The following TMEM178B variants were observed in gnomAD, a reference collection of about 807,000 sequenced individuals.
TMEM178B encodes the protein transmembrane protein 178B.
A neutral mutation model predicts 31.0 loss-of-function variants in TMEM178B; 5 were observed. The observed-to-expected ratio is 0.16, with a 90% CI of 0.08 to 0.34. The LOEUF (loss-of-function observed/expected upper bound fraction) is 0.34, where lower values mean the gene tolerates loss of function less well. Among genes scored for constraint, TMEM178B ranks in the 10% least tolerant of loss-of-function variants. TMEM178B has a pLI of 1.00. For missense variants in TMEM178B, 275 were observed against 400.3 expected, an observed-to-expected ratio of 0.69 and a Z score of 2.67; for synonymous variants, 164 against 164.0, an observed-to-expected ratio of 1.00 and a Z score of 0.00.
downstream of TMEM178B, among the ~76,000 whole-genome samples, chr7:141,484,575 T>C (rs568827238): frequency 6.6e-6 from 1 of 152,280 alleles, no homozygotes; most frequent in East Asian, 1.9e-4. This position sits in a 1 kb window ranked among gnomAD's most constrained non-coding sequence, Gnocchi z 4.8. Context: ...TGTTTGTTTG[T>C]TTTTGAGATA....
At chr7:141,108,466 C>G (rs1243812365) in intron 1 of TMEM178B, among the ~76,000 whole-genome samples, 1 of 152,178 alleles carries the variant, frequency 6.6e-6, no homozygotes, top group African/African-American at 2.4e-5. Flanking sequence ...CATGGTTAGA[C>G]TCGTGCTGTT....
At position 141,470,718 on chromosome 7, in the gene TMEM178B, C is replaced by G; in HGVS notation, c.817C>G (p.Pro273Ala). ...CTCGGGATTCTTCTGTACCTTAGCC[C>G]CTTCTGTTCAACCTGTCCCGAGGAC... ...LISGFFCTLA[P>A]SVQPVPRTNY... Residue 273 changes from proline (P) to alanine (A), a missense_variant, in exon 4 of 4, where the codon CCT (proline) becomes GCT (alanine). Physicochemically the swap from Pro to Ala is conservative, Grantham distance 27. Coordinates refer to ENST00000565468, the MANE Select transcript of TMEM178B (RefSeq NM_001195278.2). 1 of 1,535,124 alleles carries G rather than the reference C, an allele frequency of 6.5e-7. No individual in the cohort carries two copies. Among genetic ancestry groups the G allele is most frequent in the Non-Finnish European group, 8.7e-7 (1 of 1,146,588 alleles).
At position 141,345,324 on chromosome 7, in the gene TMEM178B, T is replaced by G. The variant is rs1357220090; in HGVS notation, c.497-92284T>G. On this transcript the variant is annotated intron_variant, in intron 2 of 3. Transcript: ENST00000565468. ...GTTAATAATTCTGTGATAAAATCAT[T>G]TAGGCAAACAACTCGAGATTGATAA... Among the ~76,000 whole-genome samples, 5 of 152,312 alleles carry G rather than the reference T, an allele frequency of 3.3e-5. No homozygotes were observed. In the East Asian group the frequency reaches 9.6e-4, roughly 29 times the overall value.
At chr7:141,267,502 C>T (rs897924270) in intron 2 of TMEM178B, among the ~76,000 whole-genome samples, 13 of 152,308 alleles carry the variant, frequency 8.5e-5, no homozygotes, top group African/African-American at 2.9e-4. Flanking sequence ...CCTTCTCTTC[C>T]TCTGCATTAG....
chr7:141,134,043 A>C (rs112004642), intron 1 of TMEM178B, among the ~76,000 whole-genome samples: 4,087 of 152,174 alleles, frequency 0.027, 195 homozygotes, highest in African/African-American at 0.094. Context: ...GAGAGTAGCC[A>C]GGGTAACAAA....
At chr7:141,346,906 A>T (rs2116521367) in intron 2 of TMEM178B, among the ~76,000 whole-genome samples, 1 of 152,264 alleles carries the variant, frequency 6.6e-6, no homozygotes, top group South Asian at 2.1e-4. Flanking sequence ...GTGGGGCCTG[A>T]TGGGAGGTAA....
At chr7:141,324,442 TTTTTTTTTTTTC>T (rs1563151731) in intron 2 of TMEM178B, among the ~76,000 whole-genome samples, 6 of 117,856 alleles carry the variant, frequency 5.1e-5, no homozygotes, top group South Asian at 3.1e-4. Flanking sequence ...TTTTTTTTTT[TTTTTTTTTTTTC>T]CTGAGCGATT....
chr7:141,487,606 G>A, the TMEM178B span, among the ~76,000 whole-genome samples: 1 of 151,596 alleles, frequency 6.6e-6, no homozygotes, highest in Non-Finnish European at 1.5e-5. Context: ...CCTGGTGTGG[G>A]GGCGCATGTC....
rs143204124 is a variant in TMEM178B at position 141,413,103 on chromosome 7, A to G, written c.497-24505A>G. Among the ~76,000 whole-genome samples the G allele has an allele frequency of 1.8e-3, 277 of 152,206 alleles. 1 individual carries two copies. Among genetic ancestry groups the G allele is most frequent in the African/African-American group, 6.0e-3 (249 of 41,526 alleles). ...AAAAGCGTTGGTCCGCCAACCATGA[A>G]TTTTACCTGAGCCCTTCTATGCGCC... On this transcript the variant is annotated intron_variant, in intron 2 of 3. Coordinates refer to ENST00000565468, the MANE Select transcript of TMEM178B (RefSeq NM_001195278.2).
intron 1 of TMEM178B, among the ~76,000 whole-genome samples, chr7:141,179,746 A>G (rs1173420337): frequency 6.6e-6 from 1 of 152,214 alleles, no homozygotes; most frequent in Non-Finnish European, 1.5e-5. Context: ...CATCCTGGAC[A>G]AGTGTCCTCT....
chr7:141,245,819 G>A (rs1227742228), intron 2 of TMEM178B, among the ~76,000 whole-genome samples: 1 of 152,176 alleles, frequency 6.6e-6, no homozygotes, highest in Non-Finnish European at 1.5e-5. Flanking sequence ...TTTTCGTTGT[G>A]TAAGTTTGTC....
chr7:141,191,934 T>A (rs1796703399), intron 1 of TMEM178B, among the ~76,000 whole-genome samples: 1 of 152,246 alleles, frequency 6.6e-6, no homozygotes, highest in Non-Finnish European at 1.5e-5. Context: ...AATCCTGTTT[T>A]CTTCCAATGC....
chr7:141,220,652 A>G (rs1797243236), intron 2 of TMEM178B, among the ~76,000 whole-genome samples: 1 of 152,148 alleles, frequency 6.6e-6, no homozygotes, highest in Non-Finnish European at 1.5e-5. Flanking sequence ...TCAAGCCACA[A>G]TTCATGTGAA....
rs185502079 is a variant in TMEM178B, at chr7:141,077,271, A to C, written c.382+2579A>C. Among the ~76,000 whole-genome samples the C allele has an allele frequency of 3.2e-3, 481 of 152,364 alleles. 11 individuals are homozygous for C. The highest frequency in any genetic ancestry group is 3.1e-3 in the East Asian group (16 of 5,192). ...GACCTCTGTCTTCTTTGAAATATCT[A>C]CTTTGATTAAAATTCTGGAAGATAT... On this transcript the variant is annotated intron_variant, in intron 1 of 3. Coordinates refer to ENST00000565468, the MANE Select transcript of TMEM178B (RefSeq NM_001195278.2).
intron 2 of TMEM178B, among the ~76,000 whole-genome samples, chr7:141,398,909 T>G (rs1800704776): frequency 6.6e-6 from 1 of 152,140 alleles, no homozygotes; most frequent in Non-Finnish European, 1.5e-5. Flanking sequence ...CTGGTACATT[T>G]TCAGAGAAGA....
intron 3 of TMEM178B, among the ~76,000 whole-genome samples, chr7:141,449,109 A>G (rs750663392): frequency 1.4e-4 from 22 of 152,204 alleles, no homozygotes; most frequent in African/African-American, 5.1e-4. Flanking sequence ...AAGTAATTTC[A>G]AAAGTCTCCC....
At chr7:141,291,145 T>A (rs1798539583) in intron 2 of TMEM178B, among the ~76,000 whole-genome samples, 1 of 152,326 alleles carries the variant, frequency 6.6e-6, no homozygotes, top group East Asian at 1.9e-4. Flanking sequence ...CTGCTGTTGC[T>A]GGATTCGGAG....
At chr7:141,444,251 C>T (rs1339677462) in intron 3 of TMEM178B, among the ~76,000 whole-genome samples, 1 of 152,184 alleles carries the variant, frequency 6.6e-6, no homozygotes, top group Admixed American at 6.5e-5. Flanking sequence ...CCATGATCTC[C>T]AGAACTTTGT....
At chr7:141,511,200 A>G in the TMEM178B span, among the ~76,000 whole-genome samples, 1 of 151,160 alleles carries the variant, frequency 6.6e-6, no homozygotes, top group Non-Finnish European at 1.5e-5. Context: ...GAAACCTTCA[A>G]TTGAGGTGGC....
Sources: gnomAD v4.1 joint callset for allele counts (sites outside exome capture counted in the v4.1 genomes callset) on GRCh38, gnomAD v4.1.1 for gene constraint, Gnocchi (gnomAD v3.1) non-coding constraint, MANE v1.5 for transcripts, NCBI Gene and HGNC (gene_info 2026-07-23, HGNC 2026-07-21) for gene names.